Variants in ITSN2 observed in about 807,000 individuals in gnomAD.
ITSN2 encodes intersectin 2.
ITSN2 carries 156 observed loss-of-function variants against 243.7 expected under a neutral mutation model. The ratio of observed to expected loss-of-function variants is 0.64; its 90% CI spans 0.56 to 0.73. The LOEUF (loss-of-function observed/expected upper bound fraction) is 0.73, where lower values mean the gene tolerates loss of function less well. Ranked by LOEUF, ITSN2 falls within the 30% of genes least tolerant of loss-of-function variation. The pLI, the probability that ITSN2 is intolerant of heterozygous loss-of-function variation, is 0.00. For missense variants in ITSN2, 1,801 were observed against 1,996.1 expected (o/e 0.90, Z 1.86); for synonymous variants, 703 against 699.9 (o/e 1.00, Z -0.07).
intron 20 of ITSN2, among the ~76,000 whole-genome samples, chr2:24,263,480 T>C (rs1004480085): frequency 1.3e-5 from 2 of 152,198 alleles, no homozygotes; most frequent in Non-Finnish European, 2.9e-5. Flanking sequence ...GACATATGTA[T>C]ATACCTGTGA....
intron 2 of ITSN2, among the ~76,000 whole-genome samples, chr2:24,318,756 C>A (rs1684215593): frequency 6.6e-6 from 1 of 152,174 alleles, no homozygotes; most frequent in Non-Finnish European, 1.5e-5. Context: ...GGTTCATAAA[C>A]CCTCCAGCTG....
At chr2:24,287,562 T>G (rs1413593521) in intron 15 of ITSN2, among the ~76,000 whole-genome samples, 1 of 152,112 alleles carries the variant, frequency 6.6e-6, no homozygotes, top group Non-Finnish European at 1.5e-5. Flanking sequence ...TATTCAGAAG[T>G]GAGATTGCTG....
chr2:24,335,172 T>C (rs1021107004), intron 1 of ITSN2: 2 of 195,832 alleles, frequency 1.0e-5, no homozygotes, highest in Admixed American at 4.3e-5. Context: ...TTTCTTTTAT[T>C]ATAAAGACAA....
intron 25 of ITSN2, among the ~76,000 whole-genome samples, chr2:24,250,928 G>T (rs1674013927): frequency 6.6e-6 from 1 of 152,034 alleles, no homozygotes; most frequent in African/African-American, 2.4e-5. Flanking sequence ...ATATAAAACA[G>T]CCTGTAATCC....
intron 14 of ITSN2, 69 bp from the exon 15 acceptor site, chr2:24,293,844 T>G: frequency 2.0e-6 from 1 of 492,928 alleles, no homozygotes; most frequent in Non-Finnish European, 3.7e-6. Flanking sequence ...TTTTGAAAAC[T>G]TTAAAACAGG....
At chr2:24,337,279 A>ATGTGTGTG (rs761971519) in intron 1 of ITSN2, among the ~76,000 whole-genome samples, 3,968 of 97,852 alleles carry the variant, frequency 0.041, 418 homozygotes, top group African/African-American at 0.14. Flanking sequence ...GTCTATATGT[A>ATGTGTGTG]TGTATGTGTG....
chr2:24,297,539 T>C (rs1681132883), intron 13 of ITSN2, among the ~76,000 whole-genome samples: 1 of 143,388 alleles, frequency 7.0e-6, no homozygotes, highest in South Asian at 2.3e-4. Context: ...GTCTTTTTAA[T>C]AGTAGAATCT....
intron 2 of ITSN2, among the ~76,000 whole-genome samples, chr2:24,322,736 T>C (rs1360554664): frequency 6.6e-6 from 1 of 152,028 alleles, no homozygotes; most frequent in Non-Finnish European, 1.5e-5. Flanking sequence ...TTTATAAAAA[T>C]CTAAAATTTC....
At position 24,258,064 on chromosome 2, in the gene ITSN2, C is replaced by T. The variant is rs144248928; in HGVS notation, c.2712G>A (p.Gln904=). Residue 904 remains glutamine, a synonymous_variant, in exon 23 of 40, where the codon CAG becomes CAA. Transcript: ENST00000355123. ...TCTTTGCAGTCCAGGAACAAAGGGC[C>T]TGTGCTTTTAAGTTTTCTACCACTT... ...QGQVVENLKA[Q]ALCSWTAKKD... 3 of 1,614,080 alleles carry T rather than the reference C, an allele frequency of 1.9e-6. No individual in the cohort carries two copies. The highest frequency in any genetic ancestry group is 1.7e-5 in the Admixed American group (1 of 60,018).
At chr2:24,349,793 T>C (rs1335364517) in intron 1 of ITSN2, among the ~76,000 whole-genome samples, 3 of 152,268 alleles carry the variant, frequency 2.0e-5, no homozygotes, top group Middle Eastern at 3.4e-3. Context: ...TAAGGAAGAA[T>C]TGTAGCAATG....
intron 1 of ITSN2, among the ~76,000 whole-genome samples, chr2:24,356,980 G>C (rs1247314697): frequency 6.6e-6 from 1 of 151,988 alleles, no homozygotes; most frequent in Non-Finnish European, 1.5e-5. Flanking sequence ...GAAAACAATA[G>C]ATGCTGGCAA....
intron 19 of ITSN2, 129 bp from the exon 20 acceptor site, chr2:24,270,897 C>G: frequency 1.7e-6 from 1 of 571,510 alleles, no homozygotes; most frequent in East Asian, 3.0e-5. Context: ...CCACTTGATA[C>G]AGACTTGCTA....
intron 15 of ITSN2, among the ~76,000 whole-genome samples, chr2:24,288,885 T>C (rs1679885930): frequency 6.6e-6 from 1 of 152,188 alleles, no homozygotes; most frequent in South Asian, 2.1e-4. Flanking sequence ...GATAAATATA[T>C]ACACTCCACA....
chr2:24,240,632 T>G (rs1672617584), intron 29 of ITSN2: 1 of 152,238 alleles, frequency 6.6e-6, no homozygotes. Context: ...ATAGGCACAT[T>G]AACATAAATA....
At chr2:24,246,042 A>G (rs1049616826) in intron 29 of ITSN2, 87 bp downstream of exon 29, 3 of 873,494 alleles carry the variant, frequency 3.4e-6, no homozygotes, top group Non-Finnish European at 5.2e-6. Context: ...TGCTGAGTTT[A>G]AGATCTAATC....
intron 1 of ITSN2, among the ~76,000 whole-genome samples, chr2:24,328,766 A>T (rs1382561597): frequency 6.6e-6 from 1 of 152,222 alleles, no homozygotes; most frequent in South Asian, 2.1e-4. Flanking sequence ...CCCAGCCCAT[A>T]GTATCATTTT....
intron 37 of ITSN2, among the ~76,000 whole-genome samples, chr2:24,206,851 A>G (rs1668943984): frequency 6.6e-6 from 1 of 152,110 alleles, no homozygotes; most frequent in Admixed American, 6.5e-5. Flanking sequence ...GGTAGAAGTC[A>G]CACTGGTTAG....
chr2:24,246,121 T>C lies in ITSN2; in HGVS notation c.3577+8A>G, dbSNP rs762090340. 7 of 1,591,176 alleles carry C rather than the reference T, an allele frequency of 4.4e-6. No individual in the cohort carries two copies. The highest frequency in any genetic ancestry group is 5.2e-6 in the Non-Finnish European group (6 of 1,164,126). On this transcript the variant is annotated splice_region_variant and intron_variant, in intron 29 of 39. Coordinates refer to ENST00000355123, the MANE Select transcript of ITSN2 (RefSeq NM_006277.3). ...TAGGTGAGAGAAAAATAATTTAATATTACTCACACTGTTGACTTGGATCTG... is the reference window on the plus strand; with the variant it reads ...TAGGTGAGAGAAAAATAATTTAATACTACTCACACTGTTGACTTGGATCTG...
At chr2:24,331,232 C>T (rs971091022) in intron 1 of ITSN2, among the ~76,000 whole-genome samples, 3 of 151,724 alleles carry the variant, frequency 2.0e-5, no homozygotes, top group Non-Finnish European at 2.9e-5. Context: ...TCATCACGCC[C>T]GGCTAATTTT....
Sources: gnomAD v4.1 joint callset for allele counts (sites outside exome capture counted in the v4.1 genomes callset) on GRCh38, gnomAD v4.1.1 for gene constraint, MANE v1.5 for transcripts, NCBI Gene and HGNC (gene_info 2026-07-23, HGNC 2026-07-21) for gene names.